The following MAST4 variants were observed in gnomAD, a reference collection of about 807,000 sequenced individuals.
MAST4 encodes the protein microtubule associated serine/threonine kinase family member 4, also known as microtubule-associated serine/threonine-protein kinase 4.
Under a neutral mutation model 162.7 loss-of-function variants are expected in MAST4, and 89 were observed. The ratio of observed to expected loss-of-function variants is 0.55; its 90% CI spans 0.46 to 0.65. The LOEUF (loss-of-function observed/expected upper bound fraction) is 0.65, where lower values mean the gene tolerates loss of function less well. Among genes scored for constraint, MAST4 ranks in the 30% least tolerant of loss-of-function variants. The pLI is 0.00. For synonymous variants in MAST4, 1,479 were observed against 1,361.1 expected (o/e 1.09, Z -1.91); for missense variants, 3,153 against 3,374.0 (o/e 0.93, Z 1.62).
At chr5:67,103,885 C>T (rs540232236) in intron 9 of MAST4, among the ~76,000 whole-genome samples, 1 of 152,306 alleles carries the variant, frequency 6.6e-6, no homozygotes, top group African/African-American at 2.4e-5. Context: ...TTCACAGATA[C>T]AATCTGAGTT....
rs750926969 is a variant in MAST4 at position 67,163,699 on chromosome 5, A to G, written c.4520A>G (p.Gln1507Arg). The change falls in exon 29 of 29, where the codon CAA (glutamine) becomes CGA (arginine). Residue 1507 changes from glutamine (Q) to arginine (R), a missense_variant. Physicochemically the swap from Gln to Arg is conservative, Grantham distance 43 (BLOSUM62 1). Transcript: ENST00000403625. This position sits in a 1 kb window ranked among gnomAD's most constrained non-coding sequence, Gnocchi z 7.0. ...CTCAGCCGCGCCCGGCCAGTGGAGC[A>G]AGGCTGCCTGAAACGCCCAGTCTCC... ...PPLSRARPVE[Q>R]GCLKRPVSRK... 3 of 1,609,592 alleles carry G rather than the reference A, an allele frequency of 1.9e-6. No individual in the cohort carries two copies. Among genetic ancestry groups the G allele is most frequent in the Non-Finnish European group, 2.5e-6 (3 of 1,178,410 alleles).
intron 3 of MAST4, among the ~76,000 whole-genome samples, chr5:66,861,098 A>G (rs1473349295): frequency 6.6e-6 from 1 of 152,166 alleles, no homozygotes; most frequent in African/African-American, 2.4e-5. Flanking sequence ...GGAGGCACCT[A>G]TTACATCCTT....
At chr5:66,680,122 G>T (rs941474535) in intron 1 of MAST4, among the ~76,000 whole-genome samples, 2 of 152,132 alleles carry the variant, frequency 1.3e-5, no homozygotes, top group East Asian at 3.9e-4. Context: ...AATTTGAAAA[G>T]ATGCACTTAG....
chr5:66,959,436 G>T (rs1362000393), intron 4 of MAST4: 7 of 685,588 alleles, frequency 1.0e-5, no homozygotes, highest in Non-Finnish European at 1.6e-5. Flanking sequence ...TTAAATGCAT[G>T]GCATTTGGTT....
At chr5:67,078,935 T>TATA in intron 5 of MAST4, among the ~76,000 whole-genome samples, 1 of 95,876 alleles carries the variant, frequency 1.0e-5, no homozygotes, top group Non-Finnish European at 1.9e-5. Context: ...TATATATATA[T>TATA]ATATATATAT....
At chr5:67,068,699 A>AT (rs948249289) in intron 5 of MAST4, among the ~76,000 whole-genome samples, 19 of 151,874 alleles carry the variant, frequency 1.3e-4, no homozygotes, top group African/African-American at 2.2e-4. Flanking sequence ...AAATACAGGC[A>AT]TTTTTTTTGT....
chr5:66,928,671 T>C (rs1295489487), intron 4 of MAST4, among the ~76,000 whole-genome samples: 1 of 152,316 alleles, frequency 6.6e-6, no homozygotes, highest in South Asian at 2.1e-4. Context: ...CTCAAACTTA[T>C]AGATGCACCT....
At chr5:66,842,557 A>G (rs1421602634) in intron 3 of MAST4, among the ~76,000 whole-genome samples, 1 of 151,756 alleles carries the variant, frequency 6.6e-6, no homozygotes, top group African/African-American at 2.4e-5. Flanking sequence ...TATGCTTCCT[A>G]TCCAGAATTT....
chr5:66,957,744 G>C (rs897506360), intron 4 of MAST4, among the ~76,000 whole-genome samples: 56 of 152,176 alleles, frequency 3.7e-4, no homozygotes, highest in African/African-American at 1.2e-3. Flanking sequence ...GCACCTTTGT[G>C]GAGTTAGAAA....
intron 3 of MAST4, among the ~76,000 whole-genome samples, chr5:66,895,832 C>T (rs1762650026): frequency 6.6e-6 from 1 of 152,172 alleles, no homozygotes; most frequent in Non-Finnish European, 1.5e-5. Flanking sequence ...CCTTTTGATA[C>T]ACTTTCTTTC....
chr5:66,899,509 A>G (rs1762878639), intron 3 of MAST4, among the ~76,000 whole-genome samples: 1 of 152,220 alleles, frequency 6.6e-6, no homozygotes, highest in Admixed American at 6.5e-5. Context: ...TTGCATGAAT[A>G]TATTTCTGTT....
intron 3 of MAST4, among the ~76,000 whole-genome samples, chr5:66,810,805 G>T (rs1756438560): frequency 6.6e-6 from 1 of 152,138 alleles, no homozygotes; most frequent in South Asian, 2.1e-4. Context: ...TAGGGTATTG[G>T]CCATATGTAG....
chr5:66,957,023 G>A (rs73768720), intron 4 of MAST4, among the ~76,000 whole-genome samples: 4,990 of 152,202 alleles, frequency 0.033, 280 homozygotes, highest in African/African-American at 0.11. Flanking sequence ...TTTCTTTTGG[G>A]TATGTTAAAT....
intron 4 of MAST4, among the ~76,000 whole-genome samples, chr5:66,967,622 G>A (rs1267080297): frequency 6.6e-6 from 1 of 150,534 alleles, no homozygotes; most frequent in Non-Finnish European, 1.5e-5. Flanking sequence ...TTCCTGTACT[G>A]AGCAGAGGAT....
At chr5:66,981,726 A>G (rs1218026052) in intron 4 of MAST4, among the ~76,000 whole-genome samples, 2 of 152,150 alleles carry the variant, frequency 1.3e-5, no homozygotes, top group Admixed American at 6.6e-5. Flanking sequence ...TTTTTGCCCC[A>G]TTTAAATTTG....
At chr5:66,695,364 A>G (rs1205469634) in intron 1 of MAST4, among the ~76,000 whole-genome samples, 1 of 152,028 alleles carries the variant, frequency 6.6e-6, no homozygotes, top group Admixed American at 6.6e-5. Flanking sequence ...ATTCTGTTCC[A>G]TTGGTCTATG....
intron 1 of MAST4, among the ~76,000 whole-genome samples, chr5:66,756,792 G>A (rs138784418): frequency 1.7e-3 from 252 of 152,300 alleles, no homozygotes; most frequent in Admixed American, 4.2e-3. Context: ...AGAGCCTGTT[G>A]GGAGTGTGAT....
rs749494319 is a variant in MAST4 at position 67,114,170 on chromosome 5, T to A, written c.1542T>A (p.Ile514=). 1 of 1,612,050 alleles carries A rather than the reference T, an allele frequency of 6.2e-7. No homozygotes were observed. The highest frequency in any genetic ancestry group is 1.1e-5 in the South Asian group (1 of 90,684). The change falls in exon 12 of 29, where the codon ATT becomes ATA. Residue 514 remains isoleucine (I), a synonymous_variant. Transcript: ENST00000403625. Reference sequence around the variant, plus strand: ...AAGGACAGGGTATTAAAACCGACATTCCCAGGTACATCATTAGCCAACTGG... The same window carrying A: ...AAGGACAGGGTATTAAAACCGACATACCCAGGTACATCATTAGCCAACTGG... ...AKEGQGIKTD[I]PRYIISQLGL... is the part of the protein sequence containing the mutation.
At chr5:66,916,011 G>T (rs540920751) in intron 4 of MAST4, among the ~76,000 whole-genome samples, 1 of 152,308 alleles carries the variant, frequency 6.6e-6, no homozygotes, top group Admixed American at 6.5e-5. Flanking sequence ...AGCCACATGT[G>T]GCTCTCAAGC....
Sources: allele counts gnomAD v4.1 joint callset (sites outside exome capture counted in the v4.1 genomes callset), GRCh38; gene constraint gnomAD v4.1.1; non-coding constraint Gnocchi (gnomAD v3.1); transcripts MANE v1.5; gene names NCBI Gene and HGNC (gene_info 2026-07-23, HGNC 2026-07-21).